Variants in TENM3 observed in about 807,000 individuals in gnomAD.
The protein encoded by TENM3 is teneurin transmembrane protein 3.
TENM3 carries 63 observed loss-of-function variants against 255.1 expected under a neutral mutation model. That is an observed-to-expected ratio of 0.25 (90% CI 0.20 to 0.30). The LOEUF (loss-of-function observed/expected upper bound fraction) is 0.30, where lower values mean the gene tolerates loss of function less well. TENM3 is among the 10% of genes least tolerant of loss of function. TENM3 has a pLI of 1.00. For missense variants in TENM3, 2,929 were observed against 3,461.1 expected (o/e 0.85, Z 3.86); for synonymous variants, 1,306 against 1,322.3 (o/e 0.99, Z 0.27).
intron 1 of TENM3, among the ~76,000 whole-genome samples, chr4:182,232,224 A>G (rs1756627965): frequency 6.6e-6 from 1 of 152,142 alleles, no homozygotes; most frequent in African/African-American, 2.4e-5. Context: ...TCAGGGCCGT[A>G]ACTCTCACTT....
the TENM3 span, among the ~76,000 whole-genome samples, chr4:181,701,026 A>C: frequency 5.3e-5 from 8 of 152,192 alleles, no homozygotes; most frequent in Admixed American, 5.2e-4. Flanking sequence ...ACAGAGGTGA[A>C]AGTGGTGTCA....
chr4:181,696,628 ATTTGATT>A, the TENM3 span, among the ~76,000 whole-genome samples: 1 of 152,180 alleles, frequency 6.6e-6, no homozygotes, highest in Non-Finnish European at 1.5e-5. Context: ...AAGGGGCCAA[ATTTGATT>A]TACTTATATT....
the TENM3 span, among the ~76,000 whole-genome samples, chr4:181,776,392 A>T: frequency 6.6e-6 from 1 of 152,088 alleles, no homozygotes; most frequent in Non-Finnish European, 1.5e-5. Flanking sequence ...AGATCCCAGA[A>T]TCCCTTCGAA....
At chr4:182,153,169 A>G (rs1055183388) in intron 1 of TENM3, among the ~76,000 whole-genome samples, 1 of 152,062 alleles carries the variant, frequency 6.6e-6, no homozygotes, top group Non-Finnish European at 1.5e-5. Flanking sequence ...AGTCTGTTTA[A>G]AGGCAGCCTG....
intron 1 of TENM3, among the ~76,000 whole-genome samples, chr4:182,291,720 G>A (rs1761137443): frequency 6.6e-6 from 1 of 152,092 alleles, no homozygotes; most frequent in African/African-American, 2.4e-5. Flanking sequence ...CCCTCCTCAT[G>A]GTGTCTTCTC....
At chr4:181,645,415 A>G in the TENM3 span, among the ~76,000 whole-genome samples, 5 of 151,992 alleles carry the variant, frequency 3.3e-5, no homozygotes, top group African/African-American at 1.2e-4. Flanking sequence ...TGGGGCTGGG[A>G]CTCCATGAGA....
At chr4:181,677,666 A>G in the TENM3 span, among the ~76,000 whole-genome samples, 4 of 152,078 alleles carry the variant, frequency 2.6e-5, no homozygotes, top group African/African-American at 9.7e-5. Context: ...TAAAAGCTCA[A>G]ACCTGGTTCT....
At chr4:181,714,742 A>G in the TENM3 span, among the ~76,000 whole-genome samples, 1 of 152,220 alleles carries the variant, frequency 6.6e-6, no homozygotes, top group Non-Finnish European at 1.5e-5. Flanking sequence ...ATTTATAAAT[A>G]TATGCAACAT....
intron 5 of TENM3, among the ~76,000 whole-genome samples, chr4:182,638,034 A>AT (rs367756285): frequency 6.6e-6 from 1 of 150,702 alleles, no homozygotes; most frequent in African/African-American, 2.4e-5. Context: ...TAGGGGAAAA[A>AT]TTTTTTTTTT....
chr4:181,570,540 A>G, the TENM3 span, among the ~76,000 whole-genome samples: 1 of 151,096 alleles, frequency 6.6e-6, no homozygotes, highest in Admixed American at 6.6e-5. Context: ...AAGGAAAGAA[A>G]GAAAGAAAAG....
At chr4:182,053,784 A>C in the TENM3 span, among the ~76,000 whole-genome samples, 1 of 152,128 alleles carries the variant, frequency 6.6e-6, no homozygotes, top group Non-Finnish European at 1.5e-5. Flanking sequence ...AATTGATCTC[A>C]GATGCTGGGC....
chr4:182,487,876 T>C (rs1734911146), intron 3 of TENM3, among the ~76,000 whole-genome samples: 1 of 152,110 alleles, frequency 6.6e-6, no homozygotes, highest in Non-Finnish European at 1.5e-5. Flanking sequence ...GTGAAGCAGT[T>C]TTTGTAGTGC....
chr4:181,888,141 T>C, the TENM3 span, among the ~76,000 whole-genome samples: 3 of 152,064 alleles, frequency 2.0e-5, no homozygotes, highest in African/African-American at 7.2e-5. Flanking sequence ...GCGATTCTCA[T>C]GCTTCAGCCC....
At chr4:181,480,549 G>A in the TENM3 span, among the ~76,000 whole-genome samples, 4 of 152,028 alleles carry the variant, frequency 2.6e-5, no homozygotes, top group South Asian at 8.3e-4. Context: ...TAAGTTGGCT[G>A]CATTATTTAG....
the TENM3 span, among the ~76,000 whole-genome samples, chr4:181,987,457 C>T: frequency 6.6e-6 from 1 of 152,108 alleles, no homozygotes; most frequent in Admixed American, 6.6e-5. Flanking sequence ...AGGAATTGGG[C>T]TTCCCAGTTT....
chr4:182,335,042 G>A (rs562396782), intron 2 of TENM3, among the ~76,000 whole-genome samples: 1 of 152,006 alleles, frequency 6.6e-6, no homozygotes, highest in East Asian at 1.9e-4. Context: ...TGTCCCCTTG[G>A]TGCCCAGGTG....
At chr4:181,480,620 T>G in the TENM3 span, among the ~76,000 whole-genome samples, 1 of 151,862 alleles carries the variant, frequency 6.6e-6, no homozygotes. Flanking sequence ...GTCCCCACTT[T>G]TTGGTATATG....
chr4:182,366,699 T>C (rs1351702067), intron 3 of TENM3, among the ~76,000 whole-genome samples: 1 of 152,170 alleles, frequency 6.6e-6, no homozygotes, highest in Non-Finnish European at 1.5e-5. Context: ...TGATTTCTGA[T>C]AGACTTAGAA....
chr4:182,582,670 A>C (rs906390236), intron 3 of TENM3, among the ~76,000 whole-genome samples: 2 of 152,186 alleles, frequency 1.3e-5, no homozygotes, highest in African/African-American at 2.4e-5. Flanking sequence ...AAAAAGTAGC[A>C]AACAGTATTT....
Sources: gnomAD v4.1 joint callset for allele counts (sites outside exome capture counted in the v4.1 genomes callset) on GRCh38, gnomAD v4.1.1 for gene constraint, MANE v1.5 for transcripts, NCBI Gene and HGNC (gene_info 2026-07-23, HGNC 2026-07-21) for gene names.